The following FAM200B variants were observed in gnomAD, a reference collection of about 807,000 sequenced individuals.
The protein encoded by FAM200B is protein FAM200B.
In FAM200B, 32 loss-of-function variants were observed where a neutral mutation model predicts 33.1. The ratio of observed to expected loss-of-function variants is 0.97; its 90% CI spans 0.73 to 1.30. FAM200B has a LOEUF of 1.30. FAM200B is among the 50% of genes most tolerant of loss of function. FAM200B has a pLI of 0.00. For missense variants in FAM200B, 741 were observed against 754.0 expected (o/e 0.98, Z 0.20); for synonymous variants, 240 against 264.8 (o/e 0.91, Z 0.91).
Position 15,687,160 on chromosome 4 carries a change from A to T in FAM200B, c.183A>T (p.Arg61Ser). The stretch of plus-strand genomic sequence containing the variant: ...TCAAAAAGAAAAAAGTAAGTGCAAG[A>T]CGTTATAATGAAGATTACTTAAAAT... ...PHFKKKKVSA[R>S]RYNEDYLKYG... is the part of the protein sequence containing the mutation. Residue 61 changes from arginine (R) to serine (S), a missense_variant, in exon 2 of 2, where the codon AGA becomes AGT. Physicochemically the swap from Arg to Ser is moderately radical, Grantham distance 110. Coordinates refer to ENST00000422728, the MANE Select transcript of FAM200B (RefSeq NM_001145191.2). 1 of 1,545,346 alleles carries T rather than the reference A, an allele frequency of 6.5e-7. No homozygotes were observed. Among genetic ancestry groups the T allele is most frequent in the South Asian group, 1.2e-5 (1 of 82,222 alleles).
chr4:15,659,164 GT>G, the FAM200B span, among the ~76,000 whole-genome samples: 5 of 152,208 alleles, frequency 3.3e-5, no homozygotes, highest in African/African-American at 1.2e-4. Context: ...TTTCTTAGCA[GT>G]TTTAAGTACC....
the FAM200B span, chr4:15,655,209 C>A: frequency 7.0e-7 from 1 of 1,421,652 alleles, no homozygotes. Flanking sequence ...GTTACCTTGT[C>A]GCAGTAGAGC....
At chr4:15,650,297 C>T in the FAM200B span, among the ~76,000 whole-genome samples, 1 of 152,196 alleles carries the variant, frequency 6.6e-6, no homozygotes, top group Non-Finnish European at 1.5e-5. Flanking sequence ...TAACCATGAC[C>T]TTCAGTATGA....
At chr4:15,655,481 GGGCGCGCGCAGAGGCTCGC>G in the FAM200B span, 1 of 778,940 alleles carries the variant, frequency 1.3e-6, no homozygotes, top group African/African-American at 1.9e-5. Context: ...CCACGTGACC[GGGCGCGCGCAGAGGCTCGC>G]GGCTTCTGCC....
chr4:15,681,402 T>C (rs548498267), upstream of FAM200B: 451 of 173,452 alleles, frequency 2.6e-3, 2 homozygotes, highest in Non-Finnish European at 4.5e-3. Context: ...CTGGTTGTGG[T>C]GTGGCTGCTG....
chr4:15,688,027 G>T lies in FAM200B; in HGVS notation c.1050G>T (p.Val350=). 6.4e-7 allele frequency: 1 copy of T among 1,551,040 alleles called. No individual in the cohort carries two copies. The highest frequency in any genetic ancestry group is 8.7e-7 in the Non-Finnish European group (1 of 1,146,594). ...QNLMEVLKNA[V]KVVNFIKGSS... ...TCATGGAGGTATTGAAAAATGCAGTGAAAGTTGTTAATTTTATTAAAGGAA... is the reference window on the plus strand; with the variant it reads ...TCATGGAGGTATTGAAAAATGCAGTTAAAGTTGTTAATTTTATTAAAGGAA... Residue 350 remains valine (V), a synonymous_variant, in exon 2 of 2, where the codon GTG becomes GTT. Coordinates refer to ENST00000422728, the MANE Select transcript of FAM200B (RefSeq NM_001145191.2).
At chr4:15,654,845 C>G in the FAM200B span, among the ~76,000 whole-genome samples, 1 of 152,098 alleles carries the variant, frequency 6.6e-6, no homozygotes, top group South Asian at 2.1e-4. Flanking sequence ...CCCAGGGCTT[C>G]GAGGAGGTAG....
At chr4:15,682,439 A>G (rs1171947825) in intron 1 of FAM200B, among the ~76,000 whole-genome samples, 1 of 152,224 alleles carries the variant, frequency 6.6e-6, no homozygotes, top group Admixed American at 6.5e-5. Context: ...ATAAATGATT[A>G]TATAAGTGAT....
chr4:15,672,904 T>G, the FAM200B span, among the ~76,000 whole-genome samples: 26 of 152,158 alleles, frequency 1.7e-4, no homozygotes, highest in Admixed American at 3.3e-4. Flanking sequence ...TTTATAAACT[T>G]TATTTAAAAA....
chr4:15,664,109 T>A, the FAM200B span, among the ~76,000 whole-genome samples: 2 of 152,226 alleles, frequency 1.3e-5, no homozygotes, highest in South Asian at 4.1e-4. Context: ...AGCTTCTATC[T>A]TTTTAGGTAA....
chr4:15,660,864 G>T, the FAM200B span, among the ~76,000 whole-genome samples: 2 of 152,048 alleles, frequency 1.3e-5, no homozygotes, highest in African/African-American at 4.8e-5. Context: ...ATCACTTCAG[G>T]TCAGGAGTTT....
the FAM200B span, among the ~76,000 whole-genome samples, chr4:15,661,843 G>A: frequency 6.6e-6 from 1 of 152,204 alleles, no homozygotes; most frequent in African/African-American, 2.4e-5. Flanking sequence ...GCGATCATCC[G>A]ATGACATAAC....
At chr4:15,651,157 C>A in the FAM200B span, among the ~76,000 whole-genome samples, 2 of 152,164 alleles carry the variant, frequency 1.3e-5, no homozygotes, top group Admixed American at 6.5e-5. Flanking sequence ...GACTTATACT[C>A]AGTGAAGAAA....
chr4:15,679,620 C>T (rs1012375612), upstream of FAM200B, among the ~76,000 whole-genome samples: 5 of 150,804 alleles, frequency 3.3e-5, no homozygotes, highest in African/African-American at 4.9e-5. Context: ...CAATTCAATA[C>T]TGCTTTTTAA....
the FAM200B span, among the ~76,000 whole-genome samples, chr4:15,670,043 C>T: frequency 6.6e-6 from 1 of 152,198 alleles, no homozygotes; most frequent in African/African-American, 2.4e-5. Context: ...CACTTCCTGA[C>T]TCAAGCTTTT....
upstream of FAM200B, among the ~76,000 whole-genome samples, chr4:15,680,670 C>T (rs1014749368): frequency 2.0e-5 from 3 of 151,060 alleles, no homozygotes; most frequent in African/African-American, 2.4e-5. Flanking sequence ...AGTGAGACTC[C>T]GTCTCAAAAA....
chr4:15,655,056 G>T, the FAM200B span: 2 of 442,560 alleles, frequency 4.5e-6, no homozygotes, highest in Non-Finnish European at 6.6e-6. Context: ...CTGCGGGAGC[G>T]GGCGGCGCTG....
chr4:15,637,067 G>A, the FAM200B span, among the ~76,000 whole-genome samples: 8 of 152,204 alleles, frequency 5.3e-5, no homozygotes, highest in African/African-American at 1.7e-4. Context: ...AGATCTCCAA[G>A]GCATTTTTAA....
chr4:15,650,201 C>T, the FAM200B span, among the ~76,000 whole-genome samples: 6 of 152,140 alleles, frequency 3.9e-5, no homozygotes, highest in Admixed American at 2.6e-4. Flanking sequence ...GGACAGCCCC[C>T]ATAAAAAAGA....
Sources: allele counts gnomAD v4.1 joint callset (sites outside exome capture counted in the v4.1 genomes callset), GRCh38; gene constraint gnomAD v4.1.1; transcripts MANE v1.5; gene names NCBI Gene and HGNC (gene_info 2026-07-23, HGNC 2026-07-21).